The following TESC variants were observed in gnomAD, a reference collection of about 807,000 sequenced individuals.
TESC encodes calcineurin B homologous protein 3.
In TESC, 19 loss-of-function variants were observed where a neutral mutation model predicts 31.0. That is an observed-to-expected ratio of 0.61 (90% CI 0.43 to 0.90). TESC has a LOEUF of 0.90. Among genes scored for constraint, TESC ranks in the 40% least tolerant of loss-of-function variants. TESC has a pLI of 0.00. For synonymous variants in TESC, 109 were observed against 114.8 expected (o/e 0.95, Z 0.32); for missense variants, 248 against 303.8 (o/e 0.82, Z 1.36).
At chr12:117,059,271 G>C (rs1448420928) in intron 2 of TESC, among the ~76,000 whole-genome samples, 1 of 152,216 alleles carries the variant, frequency 6.6e-6, no homozygotes, top group Non-Finnish European at 1.5e-5. Context: ...CATTGGAGGG[G>C]TGGGGATGGA....
intron 3 of TESC, 126 bp downstream of exon 3, chr12:117,056,680 C>T: frequency 9.9e-7 from 1 of 1,007,598 alleles, no homozygotes; most frequent in Non-Finnish European, 1.5e-6. Flanking sequence ...TGCTCATAAC[C>T]CCTACCCAGC....
intron 6 of TESC, among the ~76,000 whole-genome samples, chr12:117,043,103 G>A (rs1250791970): frequency 1.3e-5 from 2 of 152,044 alleles, no homozygotes; most frequent in African/African-American, 2.4e-5. Context: ...GTCTGTGCAC[G>A]CAAACCTTTC....
At chr12:117,075,482 A>G in intron 1 of TESC, 142 bp from the exon 2 acceptor site, 1 of 819,330 alleles carries the variant, frequency 1.2e-6, no homozygotes, top group South Asian at 1.7e-5. Context: ...GGCAAAAGCG[A>G]GTGCCGGGTG....
At chr12:117,074,680 T>C (rs1310080776) in intron 2 of TESC, among the ~76,000 whole-genome samples, 1 of 152,164 alleles carries the variant, frequency 6.6e-6, no homozygotes, top group Non-Finnish European at 1.5e-5. Flanking sequence ...AGGACCTCCA[T>C]ATGTGTCTGA....
At chr12:117,082,060 C>CAAAAAA (rs61375772) in intron 1 of TESC, among the ~76,000 whole-genome samples, 6 of 119,134 alleles carry the variant, frequency 5.0e-5, no homozygotes, top group African/African-American at 1.8e-4. Flanking sequence ...CCCATCTATA[C>CAAAAAA]AAAAAAAAAA....
At chr12:117,086,684 C>T (rs936450215) in intron 1 of TESC, among the ~76,000 whole-genome samples, 5 of 152,150 alleles carry the variant, frequency 3.3e-5, no homozygotes, top group East Asian at 1.9e-4. Flanking sequence ...GTGATCCTTC[C>T]ACCTCAGCCT....
chr12:117,067,094 G>A (rs574908934), intron 2 of TESC, among the ~76,000 whole-genome samples: 62 of 152,264 alleles, frequency 4.1e-4, no homozygotes, highest in African/African-American at 1.5e-3. Flanking sequence ...TCTTTTCTGG[G>A]CATCTTTACA....
At chr12:117,046,282 G>A (rs544484149) in intron 6 of TESC, among the ~76,000 whole-genome samples, 1 of 152,340 alleles carries the variant, frequency 6.6e-6, no homozygotes, top group Admixed American at 6.5e-5. Flanking sequence ...GACTGAGGCC[G>A]GGGTGGGGGA....
At chr12:117,044,292 T>TA (rs998391335) in intron 6 of TESC, among the ~76,000 whole-genome samples, 26 of 148,066 alleles carry the variant, frequency 1.8e-4, no homozygotes, top group South Asian at 4.3e-4. Context: ...AATAATAAAT[T>TA]AAAAAAAAAA....
At chr12:117,063,040 C>T (rs2135769481) in intron 2 of TESC, among the ~76,000 whole-genome samples, 1 of 152,300 alleles carries the variant, frequency 6.6e-6, no homozygotes, top group Non-Finnish European at 1.5e-5. Context: ...TTCAGAATGT[C>T]CCCCTGGAGT....
chr12:117,075,953 A>ATG (rs1955068263), intron 1 of TESC, among the ~76,000 whole-genome samples: 5 of 116,808 alleles, frequency 4.3e-5, no homozygotes, highest in African/African-American at 1.8e-4. Flanking sequence ...ATATATACAT[A>ATG]TATATATATA....
At chr12:117,096,452 G>A (rs1955397160) in intron 1 of TESC, among the ~76,000 whole-genome samples, 1 of 152,202 alleles carries the variant, frequency 6.6e-6, no homozygotes, top group Non-Finnish European at 1.5e-5. Context: ...CAGGATCCAG[G>A]TGGGGGTACT....
At chr12:117,040,011 G>A (rs7978725) in intron 7 of TESC, among the ~76,000 whole-genome samples, 19,906 of 152,274 alleles carry the variant, frequency 0.13, 1,413 homozygotes, top group African/African-American at 0.18. Flanking sequence ...CGTGGTGGGC[G>A]GGTGACTTCT....
At chr12:117,050,881 C>T (rs1013150714) in intron 3 of TESC, among the ~76,000 whole-genome samples, 9 of 150,566 alleles carry the variant, frequency 6.0e-5, no homozygotes, top group South Asian at 2.1e-4. Context: ...GCCAAGATCA[C>T]GCCACTGCAC....
chr12:117,083,975 TCC>T (rs2135795484), intron 1 of TESC: 1 of 151,908 alleles, frequency 6.6e-6, no homozygotes, highest in East Asian at 1.9e-4. Flanking sequence ...GCACCTGTAG[TCC>T]CAGCTTCTGG....
At chr12:117,080,267 A>G (rs1341549825) in intron 1 of TESC, among the ~76,000 whole-genome samples, 1 of 152,180 alleles carries the variant, frequency 6.6e-6, no homozygotes, top group Admixed American at 6.5e-5. Context: ...CAGGAGTTCG[A>G]GACCTGCCCG....
chr12:117,041,988 CA>C lies in TESC; in HGVS notation c.525del (p.Asp176IlefsTer13). The C allele has an allele frequency of 6.3e-7, 1 of 1,595,524 alleles. No homozygotes were observed. ...AAGGTGATCCCCTCGTACACCTGATCAGGCTCCTGGGGACGGAAGCACAGGG... is the reference window on the plus strand; with the variant it reads ...AAGGTGATCCCCTCGTACACCTGATCGGCTCCTGGGGACGGAAGCACAGGG... ...AASVCMGQME[P>X]DQVYEGITFE... On this transcript the variant is annotated frameshift_variant, in exon 7 of 8. Transcript: ENST00000335209. LOFTEE classifies it high-confidence loss of function.
intron 1 of TESC, among the ~76,000 whole-genome samples, 162 bp from the exon 2 acceptor site, chr12:117,075,502 A>G (rs1006607922): frequency 2.6e-5 from 4 of 152,112 alleles, no homozygotes; most frequent in African/African-American, 4.8e-5. Context: ...GAAGCAGCAG[A>G]GAAAGGATTT....
At chr12:117,047,848 C>G (rs1459823092) in intron 4 of TESC, among the ~76,000 whole-genome samples, 1 of 152,144 alleles carries the variant, frequency 6.6e-6, no homozygotes, top group Non-Finnish European at 1.5e-5. Context: ...TCAAACTACC[C>G]TCCCACCCCA....
Sources: gnomAD v4.1 joint callset for allele counts (sites outside exome capture counted in the v4.1 genomes callset) on GRCh38, gnomAD v4.1.1 for gene constraint, MANE v1.5 for transcripts, NCBI Gene and HGNC (gene_info 2026-07-23, HGNC 2026-07-21) for gene names.